DPP10: variants seen among roughly 807,000 people sequenced by gnomAD.
DPP10 encodes dipeptidyl peptidase like 10, also known as inactive dipeptidyl peptidase 10.
A neutral mutation model predicts 120.9 loss-of-function variants in DPP10; 33 were observed. The ratio of observed to expected loss-of-function variants is 0.27; its 90% CI spans 0.21 to 0.37. DPP10 has a LOEUF of 0.37. Among genes scored for constraint, DPP10 ranks in the 10% least tolerant of loss-of-function variants. The pLI, the probability that DPP10 is intolerant of heterozygous loss-of-function variation, is 1.00. For synonymous variants in DPP10, 337 were observed against 326.1 expected, an observed-to-expected ratio of 1.03 and a Z score of -0.36; for missense variants, 816 against 942.8, an observed-to-expected ratio of 0.87 and a Z score of 1.76.
At chr2:115,334,140 A>G (rs1413092586) in intron 2 of DPP10, among the ~76,000 whole-genome samples, 1 of 151,166 alleles carries the variant, frequency 6.6e-6, no homozygotes, top group Non-Finnish European at 1.5e-5. Flanking sequence ...GGAAATACAG[A>G]GAATGCCACA....
chr2:114,857,638 G>A (rs1689476511), intron 1 of DPP10, among the ~76,000 whole-genome samples: 1 of 152,146 alleles, frequency 6.6e-6, no homozygotes, highest in Non-Finnish European at 1.5e-5. Flanking sequence ...ACTAGAACTA[G>A]TAATAGTATT....
At chr2:114,706,742 C>A (rs1211802316) in intron 1 of DPP10, among the ~76,000 whole-genome samples, 3 of 152,170 alleles carry the variant, frequency 2.0e-5, no homozygotes, top group African/African-American at 7.2e-5. Flanking sequence ...CTAGTATCCA[C>A]TGTTCAACCC....
chr2:114,902,194 T>C (rs1693631529), intron 1 of DPP10, among the ~76,000 whole-genome samples: 1 of 152,236 alleles, frequency 6.6e-6, no homozygotes, highest in South Asian at 2.1e-4. Flanking sequence ...CCTTATGGTC[T>C]ATATTTGGCT....
chr2:115,336,611 A>T (rs1036525387), intron 2 of DPP10, among the ~76,000 whole-genome samples: 1 of 150,582 alleles, frequency 6.6e-6, no homozygotes, highest in African/African-American at 2.4e-5. Flanking sequence ...ATATATATAT[A>T]TATAATTGTG....
chr2:114,587,301 C>CAA (rs11364968), intron 1 of DPP10, among the ~76,000 whole-genome samples: 1 of 103,180 alleles, frequency 9.7e-6, no homozygotes, highest in Admixed American at 1.1e-4. Flanking sequence ...AACTCCATCT[C>CAA]AAAAAAAAAA....
At chr2:115,837,975 CA>C (rs1417755242) in intron 24 of DPP10, among the ~76,000 whole-genome samples, 7 of 152,100 alleles carry the variant, frequency 4.6e-5, no homozygotes, top group African/African-American at 1.7e-4. Flanking sequence ...ATAAGAACAC[CA>C]ACAAGAAAAA....
chr2:115,589,612 T>G (rs753770961), intron 5 of DPP10, among the ~76,000 whole-genome samples: 2 of 152,160 alleles, frequency 1.3e-5, no homozygotes, highest in Non-Finnish European at 2.9e-5. Context: ...ATCAAAAGGC[T>G]GAAATGACAC....
At chr2:115,385,457 AC>A (rs2066864278) in intron 3 of DPP10, among the ~76,000 whole-genome samples, 6 of 151,694 alleles carry the variant, frequency 4.0e-5, no homozygotes, top group Admixed American at 3.9e-4. Context: ...CTGGGTTCAA[AC>A]AATTCTCCTG....
At chr2:115,531,187 A>C (rs1211580132) in intron 5 of DPP10, among the ~76,000 whole-genome samples, 2 of 149,984 alleles carry the variant, frequency 1.3e-5, no homozygotes, top group African/African-American at 4.9e-5. Context: ...GTCTCAATGT[A>C]CATGCTCAGC....
intron 1 of DPP10, among the ~76,000 whole-genome samples, chr2:114,902,195 A>G (rs1207398477): frequency 1.3e-5 from 2 of 152,194 alleles, no homozygotes; most frequent in Non-Finnish European, 2.9e-5. Flanking sequence ...CTTATGGTCT[A>G]TATTTGGCTC....
rs1033572440 is a variant in DPP10 at position 115,404,436 on chromosome 2, A to G, written c.271+60524A>G. On this transcript the variant is annotated intron_variant, in intron 3 of 25. Coordinates refer to ENST00000410059, the MANE Select transcript of DPP10 (RefSeq NM_020868.6). The stretch of plus-strand genomic sequence containing the variant: ...TCAACAGGAGATTTAGGTGGGGACA[A>G]CATCCAAACTATATCAACTTATATA... Among the ~76,000 whole-genome samples, 7 of 152,146 alleles carry G rather than the reference A, an allele frequency of 4.6e-5. No homozygotes were observed. The South Asian group carries it at 1.0e-3, about 23-fold the overall frequency.
chr2:115,276,704 G>C (rs1474219059), intron 1 of DPP10, among the ~76,000 whole-genome samples: 1 of 152,162 alleles, frequency 6.6e-6, no homozygotes, highest in Non-Finnish European at 1.5e-5. Context: ...CATCTTTATT[G>C]GTGGCACTGT....
chr2:115,199,441 A>G (rs964238556), intron 1 of DPP10, among the ~76,000 whole-genome samples: 15 of 152,258 alleles, frequency 9.9e-5, no homozygotes, highest in African/African-American at 3.6e-4. Flanking sequence ...TCAAATAACT[A>G]TTAAGTTGTT....
intron 1 of DPP10, among the ~76,000 whole-genome samples, chr2:114,915,270 A>G (rs1413100090): frequency 1.3e-5 from 2 of 152,272 alleles, no homozygotes; most frequent in African/African-American, 2.4e-5. Flanking sequence ...AAAGAAGAGC[A>G]TTACATAATG....
At chr2:115,682,940 T>C (rs1323244611) in intron 5 of DPP10, among the ~76,000 whole-genome samples, 1 of 151,832 alleles carries the variant, frequency 6.6e-6, no homozygotes, top group Non-Finnish European at 1.5e-5. Flanking sequence ...TAGACCCAAA[T>C]AAACCAAAGA....
At chr2:115,573,959 A>G (rs569365789) in intron 5 of DPP10, among the ~76,000 whole-genome samples, 1 of 151,734 alleles carries the variant, frequency 6.6e-6, no homozygotes, top group Non-Finnish European at 1.5e-5. Context: ...CTGGTTCTCT[A>G]CTCTTTGAAC....
intron 1 of DPP10, among the ~76,000 whole-genome samples, chr2:114,533,734 C>T (rs1686249462): frequency 6.6e-6 from 1 of 152,100 alleles, no homozygotes; most frequent in Non-Finnish European, 1.5e-5. Flanking sequence ...CGGGTTTAGA[C>T]TTTTAGATCA....
At chr2:114,942,146 G>C (rs1696950064) in intron 1 of DPP10, among the ~76,000 whole-genome samples, 1 of 150,826 alleles carries the variant, frequency 6.6e-6, no homozygotes, top group Non-Finnish European at 1.5e-5. Flanking sequence ...GGTGGTGGGT[G>C]CCTATAGTCC....
rs75064078 is a variant in DPP10, at chr2:115,328,356, A to G, written c.176-15461A>G. Among the ~76,000 whole-genome samples the G allele has an allele frequency of 3.6e-3, 542 of 152,240 alleles. 2 individuals carry two copies. The highest frequency in any genetic ancestry group is 9.4e-3 in the African/African-American group (391 of 41,572). ...GGTCTCAGAAAGAGGTTTGAGAATC[A>G]TTAGCATTTTGAATGATTGACTAAT... is the stretch of plus-strand genomic sequence containing the variant. On this transcript the variant is annotated intron_variant, in intron 2 of 25. Coordinates refer to ENST00000410059, the MANE Select transcript of DPP10 (RefSeq NM_020868.6).
Sources: gnomAD v4.1 joint callset for allele counts (sites outside exome capture counted in the v4.1 genomes callset) on GRCh38, gnomAD v4.1.1 for gene constraint, MANE v1.5 for transcripts, NCBI Gene and HGNC (gene_info 2026-07-23, HGNC 2026-07-21) for gene names.